The following TMEM131L variants were observed in gnomAD, a reference collection of about 807,000 sequenced individuals.
The protein encoded by TMEM131L is transmembrane protein 131-like.
Under a neutral mutation model 192.2 loss-of-function variants are expected in TMEM131L, and 54 were observed. The ratio of observed to expected loss-of-function variants is 0.28; its 90% CI spans 0.23 to 0.35. The LOEUF (loss-of-function observed/expected upper bound fraction) is 0.35, where lower values mean the gene tolerates loss of function less well. Among genes scored for constraint, TMEM131L ranks in the 10% least tolerant of loss-of-function variants. The probability of loss-of-function intolerance (pLI) is 1.00; values close to 1 mark genes in which losing one functional copy is unlikely to be tolerated. For missense variants in TMEM131L, 1,888 were observed against 1,972.9 expected, an observed-to-expected ratio of 0.96 and a Z score of 0.82; for synonymous variants, 701 against 704.9, an observed-to-expected ratio of 0.99 and a Z score of 0.09.
intron 3 of TMEM131L, among the ~76,000 whole-genome samples, chr4:153,481,522 G>T (rs1369754852): frequency 6.6e-6 from 1 of 152,086 alleles, no homozygotes; most frequent in African/African-American, 2.4e-5. Flanking sequence ...TGTGTTAGAG[G>T]CTGTATTCTT....
In TMEM131L at chr4:153,581,570, A is replaced by C; in HGVS notation, c.892+10A>C. The C allele has an allele frequency of 3.3e-6, 5 of 1,507,558 alleles. No individual in the cohort carries two copies. The highest frequency in any genetic ancestry group is 4.5e-6 in the Non-Finnish European group (5 of 1,120,540). The allele number at this position is 1,507,558 out of a possible 1,614,324, so 93.4% of individuals were successfully genotyped here. On this transcript the variant is annotated intron_variant, in intron 9 of 34. Transcript: ENST00000409959. The stretch of plus-strand genomic sequence containing the variant: ...GAATCTGAGACCTCAGGTAAGGTGG[A>C]ATGTTTAAAAATTTTATTATATTTT...
intron 3 of TMEM131L, among the ~76,000 whole-genome samples, chr4:153,518,217 A>C (rs1734869061): frequency 1.3e-5 from 2 of 152,230 alleles, no homozygotes; most frequent in African/African-American, 2.4e-5. Flanking sequence ...GGAACCAAGC[A>C]TGCTGTGCAC....
intron 18 of TMEM131L, 101 bp from the exon 19 acceptor site, chr4:153,593,698 A>G: frequency 1.3e-6 from 1 of 763,854 alleles, no homozygotes; most frequent in South Asian, 1.5e-5. Flanking sequence ...GTGCAAATGT[A>G]CTCACCTATG....
intron 3 of TMEM131L, among the ~76,000 whole-genome samples, chr4:153,528,494 A>G (rs1735659646): frequency 6.6e-6 from 1 of 152,358 alleles, no homozygotes; most frequent in Admixed American, 6.5e-5. Flanking sequence ...ACAACAAAAC[A>G]AATCACAATA....
chr4:153,612,494 T>G, intron 26 of TMEM131L, 94 bp downstream of exon 26: 2 of 922,894 alleles, frequency 2.2e-6, no homozygotes, highest in Non-Finnish European at 3.2e-6. Flanking sequence ...TCACTGCATT[T>G]GAATCCATAT....
At chr4:153,516,293 G>C (rs1734724719) in intron 3 of TMEM131L, among the ~76,000 whole-genome samples, 1 of 152,096 alleles carries the variant, frequency 6.6e-6, no homozygotes, top group South Asian at 2.1e-4. Flanking sequence ...GCAGTGGCAA[G>C]ATCTTGGCTC....
chr4:153,466,572 CT>C, intron 1 of TMEM131L, 51 bp downstream of exon 1: 1 of 1,270,410 alleles, frequency 7.9e-7, no homozygotes, highest in South Asian at 2.5e-5. Flanking sequence ...CGCCCCCGCT[CT>C]TTCTTTTAGG....
intron 28 of TMEM131L, among the ~76,000 whole-genome samples, 192 bp downstream of exon 28, chr4:153,622,041 T>C (rs1225386257): frequency 6.6e-6 from 1 of 152,204 alleles, no homozygotes; most frequent in Non-Finnish European, 1.5e-5. Flanking sequence ...TCAGTAGGCC[T>C]CTAGTGCTGC....
intron 18 of TMEM131L, among the ~76,000 whole-genome samples, chr4:153,593,477 C>CT (rs199645366): frequency 1.7e-3 from 252 of 151,546 alleles, no homozygotes; most frequent in African/African-American, 5.7e-3. Flanking sequence ...TTGAGAGTCA[C>CT]TTTTTTTTTC....
intron 3 of TMEM131L, among the ~76,000 whole-genome samples, chr4:153,483,725 A>G (rs548924298): frequency 6.6e-6 from 1 of 152,296 alleles, no homozygotes; most frequent in African/African-American, 2.4e-5. Flanking sequence ...AGCTTGTTTT[A>G]GGCAAGAATG....
intron 6 of TMEM131L, 87 bp from the exon 7 acceptor site, chr4:153,558,171 G>C (rs996978144): frequency 1.5e-6 from 1 of 648,694 alleles, no homozygotes; most frequent in Non-Finnish European, 2.8e-6. Flanking sequence ...GATGAATACA[G>C]ATTTCCTTTG....
At chr4:153,545,337 G>T (rs567215528) in intron 3 of TMEM131L, among the ~76,000 whole-genome samples, 45 of 144,704 alleles carry the variant, frequency 3.1e-4, no homozygotes, top group Non-Finnish European at 5.0e-4. Flanking sequence ...GCCCAGGCTG[G>T]AGTGCAGTGG....
At chr4:153,611,882 G>T (rs1440606742) in intron 25 of TMEM131L, among the ~76,000 whole-genome samples, 1 of 152,070 alleles carries the variant, frequency 6.6e-6, no homozygotes, top group African/African-American at 2.4e-5. Context: ...TCACATTGTT[G>T]TGCAATGAGT....
intron 22 of TMEM131L, 54 bp from the exon 23 acceptor site, chr4:153,602,488 G>C: frequency 6.3e-7 from 1 of 1,580,746 alleles, no homozygotes; most frequent in Non-Finnish European, 8.7e-7. Context: ...ATTTTGCCTT[G>C]TGGCTAAAAT....
At chr4:153,551,203 A>G (rs1737593606) in intron 4 of TMEM131L, among the ~76,000 whole-genome samples, 1 of 152,218 alleles carries the variant, frequency 6.6e-6, no homozygotes, top group African/African-American at 2.4e-5. Context: ...AGTGACAAGC[A>G]AAGTTTTGTG....
chr4:153,544,436 G>T (rs1262329735), intron 3 of TMEM131L, among the ~76,000 whole-genome samples: 1 of 152,176 alleles, frequency 6.6e-6, no homozygotes, highest in Non-Finnish European at 1.5e-5. Flanking sequence ...TCCTCCTCAT[G>T]GGCCAGCAAA....
At chr4:153,603,166 G>A in intron 23 of TMEM131L, 137 bp from the exon 24 acceptor site, 2 of 711,226 alleles carry the variant, frequency 2.8e-6, no homozygotes, top group Non-Finnish European at 4.3e-6. Flanking sequence ...GAAATTATGT[G>A]ATAAATCTTA....
At chr4:153,468,809 A>G (rs116489051) in intron 2 of TMEM131L, among the ~76,000 whole-genome samples, 2,991 of 146,404 alleles carry the variant, frequency 0.02, 57 homozygotes, top group South Asian at 0.072. Context: ...GTCCCTGGGG[A>G]GCAAAACTGC....
intron 3 of TMEM131L, among the ~76,000 whole-genome samples, chr4:153,530,983 T>C (rs1029190219): frequency 3.3e-5 from 5 of 152,194 alleles, no homozygotes; most frequent in Admixed American, 2.0e-4. Flanking sequence ...CTGCTTAAAA[T>C]AGCTAGCTCA....
Sources: allele counts gnomAD v4.1 joint callset (sites outside exome capture counted in the v4.1 genomes callset), GRCh38; gene constraint gnomAD v4.1.1; transcripts MANE v1.5; gene names NCBI Gene and HGNC (gene_info 2026-07-23, HGNC 2026-07-21).